EYS: variants seen among roughly 807,000 people sequenced by gnomAD.
The protein encoded by EYS is protein eyes shut homolog.
EYS carries 250 observed loss-of-function variants against 282.1 expected under a neutral mutation model. That is an observed-to-expected ratio of 0.89 (90% CI 0.80 to 0.98). The LOEUF (loss-of-function observed/expected upper bound fraction) is 0.98, where lower values mean the gene tolerates loss of function less well. Ranked by LOEUF, EYS falls within the 50% of genes least tolerant of loss-of-function variation. The pLI is 0.00. For missense variants in EYS, 4,016 were observed against 3,709.0 expected (o/e 1.08, Z -2.15); for synonymous variants, 1,355 against 1,282.9 (o/e 1.06, Z -1.20).
chr6:65,128,781 C>A (rs1005009535), intron 12 of EYS, among the ~76,000 whole-genome samples: 2 of 151,968 alleles, frequency 1.3e-5, no homozygotes, highest in Non-Finnish European at 2.9e-5. Context: ...ACCATACTAA[C>A]AACTTGATTT....
intron 30 of EYS, among the ~76,000 whole-genome samples, chr6:64,296,598 ATTTTTTTT>A (rs1173183488): frequency 1.4e-3 from 29 of 20,118 alleles, no homozygotes; most frequent in East Asian, 9.1e-3. Context: ...ATATATATAT[ATTTTTTTT>A]TTTTTTTTTT....
At chr6:64,841,491 T>C (rs1765562053) in intron 19 of EYS, among the ~76,000 whole-genome samples, 1 of 152,160 alleles carries the variant, frequency 6.6e-6, no homozygotes, top group South Asian at 2.1e-4. Flanking sequence ...GGAAATGTAG[T>C]TGATGCTGGG....
intron 32 of EYS, among the ~76,000 whole-genome samples, chr6:64,080,133 G>A (rs1222242963): frequency 2.6e-5 from 4 of 152,118 alleles, no homozygotes; most frequent in African/African-American, 9.7e-5. Context: ...GATCCCTGAG[G>A]AATCACCACA....
chr6:65,670,779 C>A (rs1768366593), intron 1 of EYS, among the ~76,000 whole-genome samples: 1 of 151,908 alleles, frequency 6.6e-6, no homozygotes, highest in African/African-American at 2.4e-5. Flanking sequence ...AGAATATTTT[C>A]TCTTCATCAT....
chr6:64,552,627 G>C (rs1765119031), intron 26 of EYS, among the ~76,000 whole-genome samples: 1 of 152,038 alleles, frequency 6.6e-6, no homozygotes, highest in Non-Finnish European at 1.5e-5. Context: ...GAAAATCTTT[G>C]AATTTGGCCT....
chr6:64,835,696 A>T (rs975320716), intron 19 of EYS, among the ~76,000 whole-genome samples: 2 of 151,602 alleles, frequency 1.3e-5, no homozygotes, highest in African/African-American at 4.8e-5. Flanking sequence ...GGGTTAATAG[A>T]TCTGGGTTTC....
rs1772594442 is a variant in EYS at position 63,863,665 on chromosome 6, TTTC to T, written c.7228+518_7228+520del. Among the ~76,000 whole-genome samples, 2 of 48,278 alleles carry T rather than the reference TTTC, an allele frequency of 4.1e-5. 1 individual carries two copies. The highest frequency in any genetic ancestry group is 1.4e-4 in the African/African-American group (2 of 13,998). The allele number at this position is 48,278 out of a possible 152,430, so 31.7% of individuals were successfully genotyped here. ...TTTCTTTTCTTTTCTTTTCTTTTCT[TTTC>T]TTTTTTCTTTTTTTTTTTTTTTTTT... On this transcript the variant is annotated intron_variant, in intron 36 of 42. Transcript: ENST00000503581.
intron 2 of EYS, among the ~76,000 whole-genome samples, chr6:65,591,456 G>C (rs924065497): frequency 1.3e-5 from 2 of 151,894 alleles, no homozygotes; most frequent in African/African-American, 4.8e-5. Context: ...TGGAATTACA[G>C]TAAACACAAT....
intron 31 of EYS, among the ~76,000 whole-genome samples, chr6:64,108,555 C>T (rs541514976): frequency 4.7e-5 from 7 of 147,458 alleles, no homozygotes; most frequent in Non-Finnish European, 8.9e-5. Context: ...TTTAAGCCTC[C>T]GTAAAAGGAA....
At chr6:65,610,684 T>C (rs563077990) in intron 2 of EYS, among the ~76,000 whole-genome samples, 1 of 152,286 alleles carries the variant, frequency 6.6e-6, no homozygotes, top group African/African-American at 2.4e-5. Flanking sequence ...ATAACTTTTC[T>C]AGTTTTATTA....
intron 24 of EYS, among the ~76,000 whole-genome samples, chr6:64,601,637 A>C (rs1232138585): frequency 6.6e-6 from 1 of 152,036 alleles, no homozygotes; most frequent in Non-Finnish European, 1.5e-5. Flanking sequence ...CTTCACTCCC[A>C]CTTTTAACCT....
chr6:64,882,840 T>C (rs571324475), intron 19 of EYS, among the ~76,000 whole-genome samples: 1 of 151,630 alleles, frequency 6.6e-6, no homozygotes, highest in African/African-American at 2.4e-5. Context: ...AGAGATAAAA[T>C]GGTGAGCAAG....
At chr6:65,337,283 TA>T (rs1374438348) in intron 10 of EYS, among the ~76,000 whole-genome samples, 1 of 151,486 alleles carries the variant, frequency 6.6e-6, no homozygotes, top group African/African-American at 2.4e-5. Flanking sequence ...AAGTCTAAAA[TA>T]TTACAACTGA....
chr6:65,144,183 A>G (rs1012228020), intron 12 of EYS, among the ~76,000 whole-genome samples: 6 of 152,262 alleles, frequency 3.9e-5, no homozygotes, highest in African/African-American at 1.4e-4. Context: ...GACATATTTC[A>G]GCTTTTTTAT....
intron 41 of EYS, among the ~76,000 whole-genome samples, chr6:63,733,942 T>C (rs2149636695): frequency 6.6e-6 from 1 of 152,200 alleles, no homozygotes; most frequent in South Asian, 2.1e-4. Flanking sequence ...CAAACATATT[T>C]GAAAAGATAG....
intron 12 of EYS, among the ~76,000 whole-genome samples, chr6:65,251,719 C>T (rs1767328924): frequency 6.6e-6 from 1 of 151,882 alleles, no homozygotes; most frequent in Non-Finnish European, 1.5e-5. Context: ...CCTCAAATAT[C>T]CATAGTCTGA....
chr6:64,180,538 T>C (rs995471856), intron 31 of EYS, among the ~76,000 whole-genome samples: 2 of 151,914 alleles, frequency 1.3e-5, no homozygotes, highest in African/African-American at 2.4e-5. Flanking sequence ...GTAGTGAGCA[T>C]ACTACCCAAT....
intron 29 of EYS, among the ~76,000 whole-genome samples, chr6:64,327,446 C>T (rs1770469192): frequency 6.6e-6 from 1 of 152,046 alleles, no homozygotes; most frequent in African/African-American, 2.4e-5. Flanking sequence ...AAACTGAGGA[C>T]CCTTTGTGAG....
intron 26 of EYS, among the ~76,000 whole-genome samples, chr6:64,466,756 C>T (rs1202871811): frequency 2.0e-5 from 3 of 152,036 alleles, no homozygotes; most frequent in East Asian, 1.9e-4. Flanking sequence ...GTTACTACCA[C>T]AAAAATTGAT....
Sources: allele counts gnomAD v4.1 joint callset (sites outside exome capture counted in the v4.1 genomes callset), GRCh38; gene constraint gnomAD v4.1.1; transcripts MANE v1.5; gene names NCBI Gene and HGNC (gene_info 2026-07-23, HGNC 2026-07-21).